TNRC6B: variants seen among roughly 807,000 people sequenced by gnomAD.
The protein encoded by TNRC6B is trinucleotide repeat containing adaptor 6B.
In TNRC6B, 52 loss-of-function variants were observed where a neutral mutation model predicts 203.6. That is an observed-to-expected ratio of 0.26 (90% CI 0.20 to 0.32). The LOEUF is 0.32. Among genes scored for constraint, TNRC6B ranks in the 10% least tolerant of loss-of-function variants. The pLI is 1.00. For missense variants in TNRC6B, 1,923 were observed against 2,286.2 expected (o/e 0.84, Z 3.24); for synonymous variants, 838 against 845.7 (o/e 0.99, Z 0.16).
intron 20 of TNRC6B, 111 bp downstream of exon 20, chr22:40,315,618 C>G (rs2071246958): frequency 3.3e-6 from 4 of 1,218,294 alleles, no homozygotes; most frequent in Admixed American, 5.4e-5. Flanking sequence ...TCATGGTTGT[C>G]TGCTTTTTCT....
At chr22:40,154,860 A>ATATATAT (rs1373735446) in intron 3 of TNRC6B, among the ~76,000 whole-genome samples, 23 of 23,578 alleles carry the variant, frequency 9.8e-4, no homozygotes, top group Non-Finnish European at 1.4e-3. Flanking sequence ...AAAAAAAAAA[A>ATATATAT]ATATATATAT....
At chr22:40,091,467 GAA>G (rs57865746) in intron 1 of TNRC6B, among the ~76,000 whole-genome samples, 6 of 142,174 alleles carry the variant, frequency 4.2e-5, no homozygotes, top group African/African-American at 1.3e-4. Flanking sequence ...AAATTGCAAA[GAA>G]AAAAAAAAAG....
chr22:40,216,541 C>T (rs1025322646), intron 1 of TNRC6B, among the ~76,000 whole-genome samples: 2 of 152,052 alleles, frequency 1.3e-5, no homozygotes, highest in Non-Finnish European at 2.9e-5. Context: ...GAACCCAGGA[C>T]GCAGAGGTTG....
upstream of TNRC6B, among the ~76,000 whole-genome samples, chr22:40,177,357 A>C (rs191874482): frequency 4.6e-3 from 705 of 152,320 alleles, no homozygotes; most frequent in Non-Finnish European, 8.6e-3. Flanking sequence ...TTGGGAAACC[A>C]GTCCCTCTTC....
chr22:40,289,083 G>A (rs945809126), intron 12 of TNRC6B, among the ~76,000 whole-genome samples: 2 of 152,088 alleles, frequency 1.3e-5, no homozygotes, highest in Non-Finnish European at 2.9e-5. Context: ...CCAAAGTGCT[G>A]GGATTACAGG....
chr22:40,087,465 A>G (rs1330820771), intron 1 of TNRC6B, among the ~76,000 whole-genome samples: 1 of 152,240 alleles, frequency 6.6e-6, no homozygotes, highest in African/African-American at 2.4e-5. Flanking sequence ...TAAGAAACAC[A>G]CATGCTAAAC....
intron 1 of TNRC6B, among the ~76,000 whole-genome samples, chr22:40,212,641 T>TTTTG (rs975584028): frequency 7.9e-5 from 12 of 152,114 alleles, no homozygotes; most frequent in African/African-American, 2.7e-4. Context: ...GGTATTTCTT[T>TTTTG]TTTGTTTGTT....
chr22:40,263,727 TTTAACAGA>T (rs1252052236), intron 4 of TNRC6B, among the ~76,000 whole-genome samples: 1 of 152,318 alleles, frequency 6.6e-6, no homozygotes, highest in East Asian at 1.9e-4. Flanking sequence ...GCCAGACTCA[TTTAACAGA>T]TTAAGTTCCT....
chr22:40,151,093 A>T (rs551361006), intron 3 of TNRC6B, among the ~76,000 whole-genome samples: 2 of 152,312 alleles, frequency 1.3e-5, no homozygotes, highest in East Asian at 1.9e-4. Context: ...GGAAACAGAG[A>T]CAATGTAGGG....
intron 1 of TNRC6B, among the ~76,000 whole-genome samples, chr22:40,059,404 T>C (rs1175433975): frequency 6.6e-6 from 1 of 152,232 alleles, no homozygotes; most frequent in African/African-American, 2.4e-5. Context: ...AATATATCAT[T>C]TACAAAGAAA....
At chr22:40,070,747 T>C (rs573339544) in intron 1 of TNRC6B, among the ~76,000 whole-genome samples, 1 of 152,290 alleles carries the variant, frequency 6.6e-6, no homozygotes, top group Non-Finnish European at 1.5e-5. Flanking sequence ...TCAGAAACTC[T>C]TAAGGGCCAG....
At chr22:40,208,127 A>AC (rs1251458897) in intron 1 of TNRC6B, among the ~76,000 whole-genome samples, 235 of 122,532 alleles carry the variant, frequency 1.9e-3, no homozygotes, top group Middle Eastern at 7.6e-3. Flanking sequence ...AAAAAAAAAA[A>AC]AAAAACAAAA....
Position 40,150,317 on chromosome 22 carries a change from G to C in TNRC6B, c.46-5798G>C, listed in dbSNP as rs188205279. Among the ~76,000 whole-genome samples the C allele has an allele frequency of 2.1e-3, 325 of 152,302 alleles. 2 individuals carry two copies. The highest frequency in any genetic ancestry group is 6.7e-3 in the African/African-American group (279 of 41,578). On this transcript the variant is annotated intron_variant, in intron 3 of 23. Coordinates refer to the TNRC6B transcript ENST00000301923. ...GGCGTGAACCCGGAAGGCAGAGCTT[G>C]CAGTGGGCCAAGATCGTGCCACTGC...
At chr22:40,294,379 C>G (rs1314565892) in intron 12 of TNRC6B, among the ~76,000 whole-genome samples, 2 of 152,214 alleles carry the variant, frequency 1.3e-5, no homozygotes, top group East Asian at 1.9e-4. Flanking sequence ...GTATGTGTCT[C>G]TATCTTCACA....
intron 1 of TNRC6B, among the ~76,000 whole-genome samples, chr22:40,184,677 G>C (rs1196531388): frequency 6.6e-6 from 1 of 152,186 alleles, no homozygotes; most frequent in East Asian, 1.9e-4. Context: ...GGCCTGAACT[G>C]ACAACAGAGT....
At chr22:40,116,959 G>A (rs1209152769) in intron 1 of TNRC6B, 3 of 152,496 alleles carry the variant, frequency 2.0e-5, no homozygotes, top group African/African-American at 7.2e-5. Flanking sequence ...GCTGGTGAAA[G>A]GAGGAGCTGG....
intron 1 of TNRC6B, among the ~76,000 whole-genome samples, chr22:40,201,497 A>T (rs1415109937): frequency 6.6e-6 from 1 of 151,126 alleles, no homozygotes; most frequent in Non-Finnish European, 1.5e-5. Flanking sequence ...GTGCAGTGGC[A>T]TGATCATGGC....
chr22:40,146,184 G>T (rs2068693971), intron 3 of TNRC6B, among the ~76,000 whole-genome samples: 1 of 152,164 alleles, frequency 6.6e-6, no homozygotes, highest in African/African-American at 2.4e-5. Flanking sequence ...CAAAGTCTCT[G>T]CCTCAAGAAG....
chr22:40,228,510 G>A (rs1454766425), intron 1 of TNRC6B, among the ~76,000 whole-genome samples: 3 of 151,572 alleles, frequency 2.0e-5, no homozygotes, highest in African/African-American at 2.4e-5. Flanking sequence ...ATAAGCCCTC[G>A]TTGAGAAGCT....
Sources: allele counts gnomAD v4.1 joint callset (sites outside exome capture counted in the v4.1 genomes callset), GRCh38; gene constraint gnomAD v4.1.1; transcripts MANE v1.5; gene names NCBI Gene and HGNC (gene_info 2026-07-23, HGNC 2026-07-21).